ZNF573: variants seen among roughly 807,000 people sequenced by gnomAD.
The protein encoded by ZNF573 is zinc finger protein 573.
A neutral mutation model predicts 57.4 loss-of-function variants in ZNF573; 41 were observed. The observed-to-expected ratio is 0.71, with a 90% confidence interval of 0.56 to 0.93. The LOEUF (loss-of-function observed/expected upper bound fraction) is 0.93, where lower values mean the gene tolerates loss of function less well. ZNF573 is among the 40% of genes least tolerant of loss of function. The pLI is 0.00. For synonymous variants in ZNF573, 249 were observed against 261.0 expected (o/e 0.95, Z 0.44); for missense variants, 730 against 794.8 (o/e 0.92, Z 0.98).
intron 4 of ZNF573, chr19:37,740,455 T>A: frequency 2.1e-6 from 1 of 470,000 alleles, no homozygotes; most frequent in Non-Finnish European, 3.9e-6. Flanking sequence ...AAATCTGCTA[T>A]ATTGGCACCG....
At chr19:37,762,266 A>T (rs1372337073) in intron 4 of ZNF573, among the ~76,000 whole-genome samples, 1 of 152,174 alleles carries the variant, frequency 6.6e-6, no homozygotes. Flanking sequence ...GAATTAAAGG[A>T]TATTAAATAG....
At chr19:37,759,087 G>C in intron 4 of ZNF573, 1 of 493,274 alleles carries the variant, frequency 2.0e-6, no homozygotes, top group South Asian at 8.4e-5. Context: ...CAGGAGGACT[G>C]CTTGAGCCCA....
intron 2 of ZNF573, among the ~76,000 whole-genome samples, chr19:37,772,097 G>C (rs374202433): frequency 6.6e-6 from 1 of 152,118 alleles, no homozygotes; most frequent in Admixed American, 6.6e-5. Context: ...AGATGTCCTT[G>C]CCAAATTTAA....
intron 4 of ZNF573, among the ~76,000 whole-genome samples, chr19:37,745,394 T>A (rs1297613455): frequency 6.6e-6 from 1 of 151,196 alleles, no homozygotes; most frequent in Admixed American, 6.6e-5. Context: ...AGACTTTAAT[T>A]TTTTTGGGGG....
intron 4 of ZNF573, among the ~76,000 whole-genome samples, chr19:37,766,367 T>A (rs1277817448): frequency 6.6e-6 from 1 of 152,200 alleles, no homozygotes. Flanking sequence ...ACTCTCTCCA[T>A]AAACACATCC....
chr19:37,776,945 GCTCC>G (rs2045714266), intron 1 of ZNF573, among the ~76,000 whole-genome samples: 1 of 152,086 alleles, frequency 6.6e-6, no homozygotes, highest in South Asian at 2.1e-4. Flanking sequence ...ATACCAATTT[GCTCC>G]CTAAGAATGA....
Position 37,771,609 on chromosome 19 carries a change from A to G in ZNF573, c.157T>C (p.Tyr53His), listed in dbSNP as rs1314413930. ...EYLDPNQRDL[Y>H]RDVMLENYRN... is the part of the protein sequence containing the mutation. Reference sequence around the variant, plus strand: ...TAGTTCTCCAACATCACATCCCTGTATAAGTCCCTCTGATTAGGGTCCAGG... The same window carrying G: ...TAGTTCTCCAACATCACATCCCTGTGTAAGTCCCTCTGATTAGGGTCCAGG... The change falls in exon 3 of 5, where the codon TAC (tyrosine) becomes CAC (histidine). Residue 53 changes from tyrosine (Y) to histidine (H), a missense_variant. Physicochemically the swap from Tyr to His is moderately conservative, Grantham distance 83 (BLOSUM62 2). Transcript: ENST00000536220. The G allele has an allele frequency of 4.4e-6, 7 of 1,607,270 alleles. No individual in the cohort carries two copies. Among genetic ancestry groups the G allele is most frequent in the Non-Finnish European group, 5.9e-6 (7 of 1,177,438 alleles).
intron 4 of ZNF573, among the ~76,000 whole-genome samples, chr19:37,763,190 A>C (rs1037488594): frequency 1.3e-5 from 2 of 152,128 alleles, no homozygotes; most frequent in African/African-American, 4.8e-5. Flanking sequence ...TCTCATATGC[A>C]TGAATCACTG....
rs974385815 is a variant in ZNF573, at chr19:37,770,027, C to T, written c.273G>A (p.Leu91=). The T allele has an allele frequency of 9.0e-6, 14 of 1,551,936 alleles. No individual in the cohort carries two copies. Among genetic ancestry groups the T allele is most frequent in the Non-Finnish European group, 1.2e-5 (14 of 1,147,206 alleles). The change falls in exon 4 of 5, where the codon TTG becomes TTA. Residue 91 remains leucine, a synonymous_variant. Coordinates refer to ENST00000536220, the MANE Select transcript of ZNF573 (RefSeq NM_001172690.2). ...LERGKEPWMI[L]REETQFTDLD... ...TACCTGTGAACTGTGTTTCTTCCCT[C>T]AAAATCATCCAGGGCTCTTTTCCTC... is the stretch of plus-strand genomic sequence containing the variant.
In ZNF573 at chr19:37,738,788, G is replaced by A. The variant is rs780905290; in HGVS notation, c.1702C>T (p.His568Tyr). The A allele has an allele frequency of 3.1e-6, 5 of 1,613,920 alleles. No individual in the cohort carries two copies. The highest frequency in any genetic ancestry group is 3.3e-5 in the Admixed American group (2 of 59,988). ...TGAATGCTCTGATGTGCAGTAAGGT[G>A]TGAACTACGTCTAAAGGTCTTCCCA... ...ECGKTFRRSS[H>Y]LTAHQSIHAD... The change falls in exon 5 of 5, where the codon CAC becomes TAC. Residue 568 changes from histidine (H) to tyrosine (Y), a missense_variant. Transcript: ENST00000536220.
intron 4 of ZNF573, among the ~76,000 whole-genome samples, chr19:37,747,926 T>G (rs536368608): frequency 6.6e-6 from 1 of 152,158 alleles, no homozygotes; most frequent in Non-Finnish European, 1.5e-5. Flanking sequence ...GACCTCGTGA[T>G]CCACCTGCCT....
chr19:37,762,552 G>A (rs1056619783), intron 4 of ZNF573, among the ~76,000 whole-genome samples: 4 of 152,108 alleles, frequency 2.6e-5, no homozygotes, highest in African/African-American at 4.8e-5. Context: ...CCTAAAAACA[G>A]AATGTGTCAA....
intron 4 of ZNF573, among the ~76,000 whole-genome samples, chr19:37,758,306 A>G (rs1400897458): frequency 7.7e-6 from 1 of 130,622 alleles, no homozygotes; most frequent in Non-Finnish European, 1.7e-5. Flanking sequence ...CACGTTTTTT[A>G]AAAAAAAAAA....
At chr19:37,759,128 A>G in intron 4 of ZNF573, 1 of 541,802 alleles carries the variant, frequency 1.8e-6, no homozygotes, top group Non-Finnish European at 2.4e-6. Flanking sequence ...CAACCCAGTG[A>G]GACCCCCATC....
intron 2 of ZNF573, among the ~76,000 whole-genome samples, chr19:37,772,665 A>C (rs1433405543): frequency 7.0e-6 from 1 of 143,706 alleles, no homozygotes; most frequent in African/African-American, 2.6e-5. Flanking sequence ...AGACAGGCTC[A>C]CTCTGTTGCC....
chr19:37,771,115 A>G (rs1008534722), intron 3 of ZNF573, among the ~76,000 whole-genome samples: 1 of 151,424 alleles, frequency 6.6e-6, no homozygotes, highest in Non-Finnish European at 1.5e-5. Context: ...ATCCAGCACT[A>G]TATGTCACAG....
chr19:37,751,724 A>ATATATACTGTATATAGTACATAGTACCG (rs2045437302), intron 4 of ZNF573, among the ~76,000 whole-genome samples: 1 of 135,970 alleles, frequency 7.4e-6, no homozygotes, highest in East Asian at 2.2e-4. Context: ...ATAGTACCGT[A>ATATATACTGTATATAGTACATAGTACCG]TATATACTGT....
At chr19:37,746,046 T>C (rs2045379230) in intron 4 of ZNF573, among the ~76,000 whole-genome samples, 1 of 152,186 alleles carries the variant, frequency 6.6e-6, no homozygotes, top group Non-Finnish European at 1.5e-5. Flanking sequence ...AGGATCAAGA[T>C]TGTATAGAGT....
At chr19:37,775,959 A>G (rs564604688) in intron 1 of ZNF573, among the ~76,000 whole-genome samples, 63 of 152,274 alleles carry the variant, frequency 4.1e-4, no homozygotes, top group South Asian at 2.3e-3. Flanking sequence ...GGAAAACTAC[A>G]AAACACTGCT....
Sources: gnomAD v4.1 joint callset for allele counts (sites outside exome capture counted in the v4.1 genomes callset) on GRCh38, gnomAD v4.1.1 for gene constraint, MANE v1.5 for transcripts, NCBI Gene and HGNC (gene_info 2026-07-23, HGNC 2026-07-21) for gene names.